The following HLCS variants were observed in gnomAD, a reference collection of about 807,000 sequenced individuals.
HLCS encodes the protein holocarboxylase synthetase.
HLCS carries 53 observed loss-of-function variants against 75.0 expected under a neutral mutation model. The ratio of observed to expected loss-of-function variants is 0.71; its 90% CI spans 0.57 to 0.89. The LOEUF is 0.89. Among genes scored for constraint, HLCS ranks in the 40% least tolerant of loss-of-function variants. HLCS has a pLI of 0.00. For synonymous variants in HLCS, 431 were observed against 428.6 expected, an observed-to-expected ratio of 1.01 and a Z score of -0.07; for missense variants, 966 against 1,074.0, an observed-to-expected ratio of 0.90 and a Z score of 1.41.
intron 6 of HLCS, among the ~76,000 whole-genome samples, chr21:36,787,977 C>T (rs1303616889): frequency 1.3e-5 from 2 of 152,182 alleles, no homozygotes; most frequent in Admixed American, 6.5e-5. Flanking sequence ...ATTTCCTTTG[C>T]TCTGCATCCC....
chr21:36,779,630 A>G (rs1034721818), intron 6 of HLCS, among the ~76,000 whole-genome samples: 2 of 152,168 alleles, frequency 1.3e-5, no homozygotes, highest in South Asian at 4.1e-4. Flanking sequence ...CTAGAGTTCA[A>G]TATTTGTTTA....
rs555900968 is a variant in HLCS, at chr21:36,778,191, G to A, written c.1893-10906C>T. On this transcript the variant is annotated intron_variant, in intron 6 of 10. Transcript: ENST00000674895. Reference sequence around the variant, plus strand: ...TCACCATGTTAGCCAGGATGGTCTTGATCTCCTGCCCTTGTGATCCGCCCA... The same window carrying A: ...TCACCATGTTAGCCAGGATGGTCTTAATCTCCTGCCCTTGTGATCCGCCCA... Among the ~76,000 whole-genome samples the A allele has an allele frequency of 3.7e-3, 560 of 152,152 alleles. 2 individuals are homozygous for A. Among genetic ancestry groups the A allele is most frequent in the African/African-American group, 0.012 (489 of 41,498 alleles).
chr21:36,868,007 C>T (rs1344937443), intron 6 of HLCS, among the ~76,000 whole-genome samples: 1 of 151,998 alleles, frequency 6.6e-6, no homozygotes, highest in Non-Finnish European at 1.5e-5. Flanking sequence ...CAAAAATTAG[C>T]CAGGTGTGGT....
intron 6 of HLCS, 42 bp downstream of exon 6, chr21:36,896,818 A>T (rs2065028708): frequency 6.2e-7 from 1 of 1,606,998 alleles, no homozygotes; most frequent in Non-Finnish European, 8.5e-7. Flanking sequence ...GATCAATGGA[A>T]CAGGACTCCT....
intron 1 of HLCS, chr21:36,980,643 G>C (rs1447728373): frequency 6.6e-6 from 1 of 152,264 alleles, no homozygotes; most frequent in Non-Finnish European, 1.5e-5. Context: ...GTCCCTACCT[G>C]CAGGCCTGAT....
chr21:36,937,795 G>A (rs116907270), intron 3 of HLCS, among the ~76,000 whole-genome samples: 19 of 152,242 alleles, frequency 1.2e-4, no homozygotes, highest in African/African-American at 4.6e-4. Context: ...ACCCCAGCAC[G>A]CCCCAGTGAA....
chr21:36,961,645 A>G (rs911435878), intron 2 of HLCS, among the ~76,000 whole-genome samples: 1 of 152,210 alleles, frequency 6.6e-6, no homozygotes, highest in Non-Finnish European at 1.5e-5. Context: ...AGGCTAGGAA[A>G]GAGCACTCAT....
intron 6 of HLCS, among the ~76,000 whole-genome samples, chr21:36,822,813 C>G (rs1427138409): frequency 6.6e-6 from 1 of 152,130 alleles, no homozygotes; most frequent in Admixed American, 6.5e-5. Context: ...AGAACAAGAA[C>G]AAGACAAGAT....
At chr21:36,982,562 A>G (rs1419767676) in intron 1 of HLCS, among the ~76,000 whole-genome samples, 1 of 152,150 alleles carries the variant, frequency 6.6e-6, no homozygotes, top group Non-Finnish European at 1.5e-5. Flanking sequence ...TGTCTTGGAG[A>G]ATTATGAGGT....
At chr21:36,893,959 G>A (rs930263588) in intron 6 of HLCS, among the ~76,000 whole-genome samples, 8 of 152,272 alleles carry the variant, frequency 5.3e-5, no homozygotes, top group East Asian at 1.9e-4. Context: ...AGTATAGCTC[G>A]TTAACATGGT....
chr21:36,817,445 T>A (rs898722315), intron 6 of HLCS, among the ~76,000 whole-genome samples: 13 of 152,328 alleles, frequency 8.5e-5, no homozygotes, highest in African/African-American at 2.9e-4. Flanking sequence ...TTTGTCTGAC[T>A]ATGGCTCAAG....
intron 6 of HLCS, among the ~76,000 whole-genome samples, chr21:36,866,217 T>A (rs2063550608): frequency 2.5e-3 from 2 of 798 alleles, no homozygotes; most frequent in African/African-American, 7.7e-3. Flanking sequence ...GGGAAGGGAA[T>A]GGTAAGGGAA....
intron 6 of HLCS, among the ~76,000 whole-genome samples, chr21:36,851,115 T>C (rs1304373028): frequency 6.6e-6 from 1 of 152,184 alleles, no homozygotes; most frequent in Non-Finnish European, 1.5e-5. Flanking sequence ...GAGAAAGATA[T>C]TAGGTTAAGA....
intron 1 of HLCS, among the ~76,000 whole-genome samples, 176 bp from the exon 2 acceptor site, chr21:36,962,346 T>C (rs1381800155): frequency 6.6e-6 from 1 of 152,204 alleles, no homozygotes; most frequent in Non-Finnish European, 1.5e-5. Context: ...GCTGTGACTG[T>C]TTAAGCACCT....
chr21:36,862,695 T>C (rs2063420587), intron 6 of HLCS, among the ~76,000 whole-genome samples: 1 of 152,240 alleles, frequency 6.6e-6, no homozygotes, highest in African/African-American at 2.4e-5. Context: ...TGTGGTCGCC[T>C]GTCTTTCAGC....
intron 6 of HLCS, among the ~76,000 whole-genome samples, chr21:36,786,003 G>A (rs917688042): frequency 1.2e-4 from 19 of 152,114 alleles, no homozygotes; most frequent in African/African-American, 3.6e-4. Context: ...TGCAGGTATC[G>A]ACTACAGGCT....
At chr21:36,845,741 G>A (rs566118129) in intron 6 of HLCS, among the ~76,000 whole-genome samples, 57 of 152,244 alleles carry the variant, frequency 3.7e-4, no homozygotes, top group African/African-American at 1.3e-3. Context: ...ACGTGTAATC[G>A]TTACTTGTGC....
intron 4 of HLCS, 60 bp from the exon 5 acceptor site, chr21:36,930,493 G>C (rs2066591946): frequency 7.3e-7 from 1 of 1,362,556 alleles, no homozygotes; most frequent in Admixed American, 1.9e-5. Flanking sequence ...GAGAAAAACA[G>C]TTTCTTTTTT....
At position 36,936,523 on chromosome 21, in the gene HLCS, C is replaced by G; in HGVS notation, c.1363G>C (p.Glu455Gln). Residue 455 changes from glutamate (E) to glutamine (Q), a missense_variant, in exon 4 of 11, where the codon GAG becomes CAG. Coordinates refer to ENST00000674895, the MANE Select transcript of HLCS (RefSeq NM_001352514.2). Reference sequence around the variant, plus strand: ...ATCATCCTGTCCTTGTCCTCATTCTCCAGGTGGCCCTGGAGCCTGCCGGGG... The same window carrying G: ...ATCATCCTGTCCTTGTCCTCATTCTGCAGGTGGCCCTGGAGCCTGCCGGGG... Reference protein sequence around the residue: ...LSPGRLQGHLENEDKDRMIVH... With the variant: ...LSPGRLQGHLQNEDKDRMIVH... 2 of 1,614,214 alleles carry G rather than the reference C, an allele frequency of 1.2e-6. No homozygotes were observed. Among genetic ancestry groups the G allele is most frequent in the Non-Finnish European group, 1.7e-6 (2 of 1,180,034 alleles).
Sources: allele counts gnomAD v4.1 joint callset (sites outside exome capture counted in the v4.1 genomes callset), GRCh38; gene constraint gnomAD v4.1.1; transcripts MANE v1.5; gene names NCBI Gene and HGNC (gene_info 2026-07-23, HGNC 2026-07-21).